The following NEBL variants were observed in gnomAD, a reference collection of about 807,000 sequenced individuals.
NEBL encodes nebulette.
Under a neutral mutation model 140.2 loss-of-function variants are expected in NEBL, and 122 were observed. The observed-to-expected ratio is 0.87, with a 90% confidence interval of 0.75 to 1.01. The LOEUF (loss-of-function observed/expected upper bound fraction) is 1.01. NEBL is among the 50% of genes least tolerant of loss of function. The probability of loss-of-function intolerance (pLI) is 0.00; values close to 1 mark genes in which losing one functional copy is unlikely to be tolerated. For synonymous variants in NEBL, 436 were observed against 398.9 expected, an observed-to-expected ratio of 1.09 and a Z score of -1.11; for missense variants, 1,365 against 1,231.3, an observed-to-expected ratio of 1.11 and a Z score of -1.62.
intron 1 of NEBL, among the ~76,000 whole-genome samples, chr10:21,259,078 T>A (rs1842702716): frequency 2.0e-5 from 3 of 151,862 alleles, no homozygotes; most frequent in Admixed American, 1.3e-4. Context: ...AGTCTTTTTT[T>A]TTTTTTAATA....
chr10:21,166,043 A>T (rs1186409059), intron 2 of NEBL, among the ~76,000 whole-genome samples: 1 of 149,188 alleles, frequency 6.7e-6, no homozygotes, highest in South Asian at 2.1e-4. Flanking sequence ...ACATGGTGAA[A>T]CCCCGTCTCT....
chr10:20,862,795 G>A (rs540386732), intron 7 of NEBL, among the ~76,000 whole-genome samples: 7 of 152,270 alleles, frequency 4.6e-5, no homozygotes, highest in Admixed American at 4.6e-4. Context: ...AACAAATGAA[G>A]TTACTCCATA....
intron 4 of NEBL, among the ~76,000 whole-genome samples, chr10:20,926,535 T>C (rs1833922370): frequency 2.6e-5 from 4 of 152,174 alleles, no homozygotes. Context: ...TTATCAAGTA[T>C]GAGATATCGT....
chr10:20,788,402 TAA>T (rs1333959255), intron 26 of NEBL, among the ~76,000 whole-genome samples: 1 of 152,138 alleles, frequency 6.6e-6, no homozygotes, highest in Non-Finnish European at 1.5e-5. Flanking sequence ...ATAAAAGAAA[TAA>T]GATTTAATTC....
chr10:21,013,348 C>T (rs1838421440), intron 3 of NEBL, among the ~76,000 whole-genome samples: 1 of 152,134 alleles, frequency 6.6e-6, no homozygotes, highest in Admixed American at 6.5e-5. Context: ...CCATTACATA[C>T]ATGAGAAAGT....
At chr10:20,888,061 T>C in intron 4 of NEBL, 36 bp downstream of exon 4, 1 of 1,384,776 alleles carries the variant, frequency 7.2e-7, no homozygotes, top group South Asian at 1.2e-5. Flanking sequence ...ATATGTTTTA[T>C]CTACAAAATC....
chr10:20,979,704 C>A (rs1836954766), intron 3 of NEBL, among the ~76,000 whole-genome samples: 1 of 151,500 alleles, frequency 6.6e-6, no homozygotes, highest in South Asian at 2.1e-4. Flanking sequence ...TTTTTTAATT[C>A]ATTTATGTGT....
At chr10:21,099,310 G>A (rs1486896304) in intron 2 of NEBL, among the ~76,000 whole-genome samples, 1 of 151,858 alleles carries the variant, frequency 6.6e-6, no homozygotes, top group Admixed American at 6.6e-5. Flanking sequence ...CCCACCCACC[G>A]ACATGGCTGC....
chr10:21,046,239 T>C (rs1253828519), intron 2 of NEBL, among the ~76,000 whole-genome samples: 1 of 152,144 alleles, frequency 6.6e-6, no homozygotes, highest in Non-Finnish European at 1.5e-5. Context: ...ATGAGAGGAA[T>C]AGGGAGATGT....
chr10:21,073,091 A>T (rs1835892443), intron 2 of NEBL, among the ~76,000 whole-genome samples: 1 of 152,180 alleles, frequency 6.6e-6, no homozygotes, highest in Non-Finnish European at 1.5e-5. Flanking sequence ...TGCATGGCCT[A>T]CAAAGAGGGA....
chr10:20,954,902 T>C (rs1438589411), intron 4 of NEBL, among the ~76,000 whole-genome samples: 3 of 152,152 alleles, frequency 2.0e-5, no homozygotes, highest in Admixed American at 6.5e-5. Context: ...TGGGTTCAGA[T>C]TGCAAGAGGG....
At chr10:21,010,383 T>C (rs115834109) in intron 3 of NEBL, among the ~76,000 whole-genome samples, 2,119 of 152,088 alleles carry the variant, frequency 0.014, 49 homozygotes, top group African/African-American at 0.047. Context: ...TAGGTGGGAC[T>C]ACAGGTGTGT....
chr10:21,101,092 G>C (rs1324317402), intron 2 of NEBL, among the ~76,000 whole-genome samples: 1 of 152,174 alleles, frequency 6.6e-6, no homozygotes, highest in Non-Finnish European at 1.5e-5. Context: ...GGATGGACCA[G>C]GGATGGGGTA....
chr10:21,229,072 T>G (rs889401496), intron 3 of NEBL, among the ~76,000 whole-genome samples: 1 of 152,164 alleles, frequency 6.6e-6, no homozygotes, highest in Non-Finnish European at 1.5e-5. Context: ...AATTTGGGAC[T>G]ATTTGTTACC....
intron 4 of NEBL, among the ~76,000 whole-genome samples, chr10:20,909,278 A>C (rs1588994112): frequency 6.7e-6 from 1 of 148,606 alleles, no homozygotes; most frequent in South Asian, 2.1e-4. Flanking sequence ...AACAGTTCCT[A>C]CCTCCCCACC....
At chr10:21,168,489 A>G (rs1231760802) in intron 2 of NEBL, among the ~76,000 whole-genome samples, 1 of 152,356 alleles carries the variant, frequency 6.6e-6, no homozygotes, top group East Asian at 1.9e-4. Flanking sequence ...TGTCATTTTC[A>G]TAACAGCTAA....
intron 3 of NEBL, among the ~76,000 whole-genome samples, chr10:21,201,027 C>T (rs1423831708): frequency 1.4e-5 from 2 of 145,254 alleles, no homozygotes; most frequent in African/African-American, 5.5e-5. Context: ...GCTGCAGTGA[C>T]CTGTGATCAC....
intron 26 of NEBL, among the ~76,000 whole-genome samples, chr10:20,795,387 T>C (rs540681443): frequency 2.0e-5 from 3 of 152,320 alleles, no homozygotes; most frequent in African/African-American, 4.8e-5. Flanking sequence ...ATGTGGTTGA[T>C]GAGGTATGCT....
chr10:21,236,901 T>C (rs7085480), intron 3 of NEBL, among the ~76,000 whole-genome samples: 6,301 of 152,262 alleles, frequency 0.041, 200 homozygotes, highest in South Asian at 0.14. Context: ...CATAACTACC[T>C]AGTAAGATAG....
Sources: gnomAD v4.1 joint callset for allele counts (sites outside exome capture counted in the v4.1 genomes callset) on GRCh38, gnomAD v4.1.1 for gene constraint, MANE v1.5 for transcripts, NCBI Gene and HGNC (gene_info 2026-07-23, HGNC 2026-07-21) for gene names.